Variants in CACNA2D1 observed in about 807,000 individuals in gnomAD.
The protein encoded by CACNA2D1 is voltage-dependent calcium channel subunit alpha-2/delta-1.
A neutral mutation model predicts 171.5 loss-of-function variants in CACNA2D1; 53 were observed. That is an observed-to-expected ratio of 0.31 (90% CI 0.25 to 0.39). CACNA2D1 has a LOEUF of 0.39. Among genes scored for constraint, CACNA2D1 ranks in the 10% least tolerant of loss-of-function variants. The probability of loss-of-function intolerance (pLI) is 1.00; values close to 1 mark genes in which losing one functional copy is unlikely to be tolerated. For missense variants in CACNA2D1, 903 were observed against 1,299.8 expected (o/e 0.69, Z 4.69); for synonymous variants, 442 against 443.1 (o/e 1.00, Z 0.03).
intron 11 of CACNA2D1, among the ~76,000 whole-genome samples, chr7:82,037,482 A>T (rs558632809): frequency 6.6e-6 from 1 of 151,496 alleles, no homozygotes; most frequent in Non-Finnish European, 1.5e-5. Context: ...TCCATTTCAA[A>T]AAAAAAAAAG....
At chr7:82,078,599 A>T (rs1809300010) in intron 7 of CACNA2D1, among the ~76,000 whole-genome samples, 1 of 152,228 alleles carries the variant, frequency 6.6e-6, no homozygotes, top group Non-Finnish European at 1.5e-5. Flanking sequence ...GTTCCTAATC[A>T]TATCTATGTC....
chr7:82,289,895 A>G (rs1454012680), intron 3 of CACNA2D1, among the ~76,000 whole-genome samples: 1 of 151,346 alleles, frequency 6.6e-6, no homozygotes, highest in East Asian at 1.9e-4. Flanking sequence ...ACTGTCCCCA[A>G]GACAAGTATT....
chr7:82,068,503 G>A lies in CACNA2D1; in HGVS notation c.659-1979C>T, dbSNP rs369885726. On this transcript the variant is annotated intron_variant, in intron 7 of 38. Transcript: ENST00000356860. The stretch of plus-strand genomic sequence containing the variant: ...ATTACACATTATATAATATTATATC[G>A]GATATTCATAAATCCTTTAGAGTTC... Among the ~76,000 whole-genome samples, 17 of 151,944 alleles carry A rather than the reference G, an allele frequency of 1.1e-4. No individual in the cohort carries two copies. In the South Asian group the frequency reaches 1.7e-3, roughly 15 times the overall value.
chr7:82,277,773 T>C (rs141753364), intron 3 of CACNA2D1, among the ~76,000 whole-genome samples: 1,531 of 140,164 alleles, frequency 0.011, 21 homozygotes, highest in African/African-American at 0.038. Context: ...TGAGATGGAG[T>C]CTCGCCCTGT....
intron 12 of CACNA2D1, among the ~76,000 whole-genome samples, chr7:82,021,569 A>C (rs1383396966): frequency 6.6e-6 from 1 of 152,090 alleles, no homozygotes; most frequent in Non-Finnish European, 1.5e-5. Context: ...CATATCTGCT[A>C]GTAATGAGCA....
At chr7:82,217,741 T>A (rs969467995) in intron 3 of CACNA2D1, among the ~76,000 whole-genome samples, 3 of 150,996 alleles carry the variant, frequency 2.0e-5, no homozygotes, top group African/African-American at 7.3e-5. Flanking sequence ...TTATTAAAAT[T>A]CAGAATAGTT....
intron 3 of CACNA2D1, among the ~76,000 whole-genome samples, chr7:82,219,306 T>C (rs999967260): frequency 7.9e-5 from 12 of 152,158 alleles, no homozygotes; most frequent in Non-Finnish European, 1.8e-4. Flanking sequence ...GCATACTGCA[T>C]AAAATTATTT....
At chr7:82,133,518 C>T (rs879930493) in intron 5 of CACNA2D1, among the ~76,000 whole-genome samples, 9 of 152,224 alleles carry the variant, frequency 5.9e-5, no homozygotes, top group South Asian at 2.1e-4. Flanking sequence ...TAAGTGATAT[C>T]GCACTATGTA....
intron 21 of CACNA2D1, among the ~76,000 whole-genome samples, chr7:81,984,951 C>T (rs996194950): frequency 1.3e-5 from 2 of 152,060 alleles, no homozygotes; most frequent in Non-Finnish European, 2.9e-5. Flanking sequence ...AAAATAAGTT[C>T]CTGAATGAAC....
intron 3 of CACNA2D1, among the ~76,000 whole-genome samples, chr7:82,195,632 T>C (rs1341833989): frequency 1.3e-5 from 2 of 151,466 alleles, no homozygotes; most frequent in African/African-American, 4.9e-5. Flanking sequence ...TCCCAGAGTC[T>C]ATAATTTCCT....
intron 6 of CACNA2D1, among the ~76,000 whole-genome samples, chr7:82,097,880 G>A (rs566384944): frequency 6.2e-5 from 9 of 145,056 alleles, no homozygotes; most frequent in East Asian, 4.2e-4. Context: ...TTGGGAGGCC[G>A]AGGCAGGCAG....
At chr7:82,355,861 T>C (rs1820362549) in intron 1 of CACNA2D1, among the ~76,000 whole-genome samples, 1 of 152,098 alleles carries the variant, frequency 6.6e-6, no homozygotes, top group Admixed American at 6.6e-5. Context: ...AAATCTGAGC[T>C]CCAGTTCTAT....
At chr7:81,978,576 G>T (rs966151873) in intron 24 of CACNA2D1, among the ~76,000 whole-genome samples, 1 of 151,792 alleles carries the variant, frequency 6.6e-6, no homozygotes, top group African/African-American at 2.4e-5. Flanking sequence ...ACTGGGGCCT[G>T]TTGGGGGGCA....
intron 1 of CACNA2D1, among the ~76,000 whole-genome samples, chr7:82,424,579 G>A (rs954881344): frequency 2.0e-5 from 3 of 152,134 alleles, no homozygotes; most frequent in Non-Finnish European, 4.4e-5. Flanking sequence ...CCTTAATTTG[G>A]AAGGATCATA....
chr7:82,127,363 A>T (rs1418711786), intron 5 of CACNA2D1, among the ~76,000 whole-genome samples: 1 of 152,196 alleles, frequency 6.6e-6, no homozygotes, highest in Middle Eastern at 3.2e-3. Flanking sequence ...CTTGAAGCAA[A>T]ATTAACATTT....
chr7:82,060,147 T>G, intron 10 of CACNA2D1, among the ~76,000 whole-genome samples: 2 of 65,050 alleles, frequency 3.1e-5, no homozygotes, highest in East Asian at 5.8e-4. Flanking sequence ...AAATTATATA[T>G]ATGTATTATA....
chr7:82,248,316 T>C (rs1273085431), intron 3 of CACNA2D1, among the ~76,000 whole-genome samples: 4 of 152,152 alleles, frequency 2.6e-5, no homozygotes, highest in Non-Finnish European at 5.9e-5. Context: ...GGCCCTCTTT[T>C]TGGAAGACTG....
intron 19 of CACNA2D1, among the ~76,000 whole-genome samples, chr7:81,995,991 G>A (rs1798005882): frequency 6.6e-6 from 1 of 152,064 alleles, no homozygotes; most frequent in Admixed American, 6.6e-5. Context: ...TGAAGAACAC[G>A]AATGTTTGAT....
chr7:82,062,003 C>T (rs1457881768), intron 9 of CACNA2D1, among the ~76,000 whole-genome samples: 1 of 152,238 alleles, frequency 6.6e-6, no homozygotes. Context: ...AATCTTGTGA[C>T]CTCCAGAATA....
Sources: gnomAD v4.1 joint callset for allele counts (sites outside exome capture counted in the v4.1 genomes callset) on GRCh38, gnomAD v4.1.1 for gene constraint, MANE v1.5 for transcripts, NCBI Gene and HGNC (gene_info 2026-07-23, HGNC 2026-07-21) for gene names.